Variants in ENPP6 observed in about 807,000 individuals in gnomAD.
The protein encoded by ENPP6 is ectonucleotide pyrophosphatase/phosphodiesterase 6.
In ENPP6, 32 loss-of-function variants were observed where a neutral mutation model predicts 42.0. The observed-to-expected ratio is 0.76, with a 90% CI of 0.58 to 1.02. The LOEUF (loss-of-function observed/expected upper bound fraction) is 1.02, where lower values mean the gene tolerates loss of function less well. ENPP6 is among the 50% of genes least tolerant of loss of function. The pLI is 0.00. For missense variants in ENPP6, 552 were observed against 566.8 expected (o/e 0.97, Z 0.27); for synonymous variants, 213 against 216.0 (o/e 0.99, Z 0.12).
At chr4:184,188,593 G>T (rs756436927) in intron 1 of ENPP6, among the ~76,000 whole-genome samples, 1 of 152,170 alleles carries the variant, frequency 6.6e-6, no homozygotes, top group Non-Finnish European at 1.5e-5. Context: ...GGCATCTCAC[G>T]TGAGAGGGAA....
Position 184,180,724 on chromosome 4 carries a change from A to G in ENPP6, c.242-26991T>C, listed in dbSNP as rs182815131. Reference sequence around the variant, plus strand: ...ATTCAACATACACAAATCAATAAATATAATTCATCACATAAACAGAACTAA... The same window carrying G: ...ATTCAACATACACAAATCAATAAATGTAATTCATCACATAAACAGAACTAA... On this transcript the variant is annotated intron_variant, in intron 1 of 7. Coordinates refer to ENST00000296741, the MANE Select transcript of ENPP6 (RefSeq NM_153343.4). Among the ~76,000 whole-genome samples, 379 of 152,280 alleles carry G rather than the reference A, an allele frequency of 2.5e-3. 2 individuals carry two copies. Among genetic ancestry groups the G allele is most frequent in the African/African-American group, 8.5e-3 (355 of 41,566 alleles).
chr4:184,191,352 C>T (rs1431580425), intron 1 of ENPP6, among the ~76,000 whole-genome samples: 1 of 152,214 alleles, frequency 6.6e-6, no homozygotes, highest in Non-Finnish European at 1.5e-5. Flanking sequence ...TTGAACGTAC[C>T]TAGCACTGAG....
At chr4:184,163,772 C>A (rs1737304506) in intron 1 of ENPP6, among the ~76,000 whole-genome samples, 1 of 152,330 alleles carries the variant, frequency 6.6e-6, no homozygotes, top group Middle Eastern at 3.4e-3. Flanking sequence ...GTGTTTCCGT[C>A]AGGCGACAGT....
chr4:184,097,765 G>C (rs1394576818), intron 6 of ENPP6, among the ~76,000 whole-genome samples: 1 of 152,178 alleles, frequency 6.6e-6, no homozygotes, highest in Admixed American at 6.5e-5. Flanking sequence ...CTGAGGATAA[G>C]AATGTCTTTC....
chr4:184,093,860 C>T (rs1311589755), intron 7 of ENPP6, among the ~76,000 whole-genome samples: 1 of 152,044 alleles, frequency 6.6e-6, no homozygotes, highest in Non-Finnish European at 1.5e-5. Context: ...ACTCTTCTAT[C>T]TTCTTCTCAT....
At chr4:184,098,608 A>G (rs1330478888) in intron 6 of ENPP6, among the ~76,000 whole-genome samples, 1 of 151,764 alleles carries the variant, frequency 6.6e-6, no homozygotes, top group Non-Finnish European at 1.5e-5. Flanking sequence ...ATTTCCCTCA[A>G]CCACTCTTCC....
chr4:184,109,345 T>C (rs983223946), intron 6 of ENPP6, among the ~76,000 whole-genome samples: 1 of 152,212 alleles, frequency 6.6e-6, no homozygotes, highest in African/African-American at 2.4e-5. Flanking sequence ...GAGCTATTAT[T>C]ATGCAGTAGT....
At chr4:184,123,674 A>T (rs1736456100) in intron 3 of ENPP6, among the ~76,000 whole-genome samples, 1 of 152,054 alleles carries the variant, frequency 6.6e-6, no homozygotes, top group Non-Finnish European at 1.5e-5. Context: ...TACATTTTTC[A>T]AATTGTGTGT....
At chr4:184,194,428 G>T (rs188036065) in intron 1 of ENPP6, among the ~76,000 whole-genome samples, 68 of 152,310 alleles carry the variant, frequency 4.5e-4, no homozygotes, top group African/African-American at 1.6e-3. Context: ...AAAGCCACAT[G>T]CCTTTCAGAG....
chr4:184,104,144 C>G (rs757909067), intron 6 of ENPP6, among the ~76,000 whole-genome samples: 13 of 152,144 alleles, frequency 8.5e-5, no homozygotes, highest in Non-Finnish European at 1.8e-4. Flanking sequence ...CACCCCACAT[C>G]TGACTTTCTG....
At chr4:184,210,556 A>C (rs1331033841) in intron 1 of ENPP6, among the ~76,000 whole-genome samples, 1 of 145,814 alleles carries the variant, frequency 6.9e-6, no homozygotes, top group Non-Finnish European at 1.5e-5. Flanking sequence ...ATATATATGC[A>C]CCCACTACAG....
intron 1 of ENPP6, among the ~76,000 whole-genome samples, chr4:184,172,495 T>C (rs918652867): frequency 6.6e-6 from 1 of 152,048 alleles, no homozygotes; most frequent in Admixed American, 6.5e-5. Flanking sequence ...GCCCCTCCCA[T>C]GCGGTCTGAA....
chr4:184,157,540 C>T (rs1737185085), intron 1 of ENPP6, among the ~76,000 whole-genome samples: 1 of 138,636 alleles, frequency 7.2e-6, no homozygotes, highest in Non-Finnish European at 1.5e-5. Flanking sequence ...TCTCTCTCTC[C>T]TTTCTTTCCT....
intron 1 of ENPP6, among the ~76,000 whole-genome samples, chr4:184,203,232 T>C (rs1417095714): frequency 2.0e-5 from 3 of 152,082 alleles, no homozygotes; most frequent in Non-Finnish European, 4.4e-5. Flanking sequence ...GCCTGGATGA[T>C]AGGACGAGAC....
intron 6 of ENPP6, among the ~76,000 whole-genome samples, chr4:184,108,483 C>T (rs1390036595): frequency 3.9e-5 from 6 of 152,162 alleles, no homozygotes; most frequent in African/African-American, 1.4e-4. Flanking sequence ...GTTTTTAATT[C>T]TCTGCTGTCA....
intron 2 of ENPP6, among the ~76,000 whole-genome samples, chr4:184,127,969 T>C (rs564743041): frequency 6.6e-6 from 1 of 152,206 alleles, no homozygotes; most frequent in South Asian, 2.1e-4. Context: ...GGATAGTCAA[T>C]ATATAATGTT....
chr4:184,196,560 C>A (rs2111111641), intron 1 of ENPP6, among the ~76,000 whole-genome samples: 1 of 152,284 alleles, frequency 6.6e-6, no homozygotes, highest in African/African-American at 2.4e-5. Context: ...GATCTCAAGG[C>A]ACCATCCATC....
In ENPP6 at chr4:184,091,436, G is replaced by C. The variant is rs1351829862; in HGVS notation, c.1118-54C>G. ...GTCATGGCAGCTCCAGGGCAGAGGT[G>C]GGCTGAACGCAATAAAGAAGAATTA... On this transcript the variant is annotated intron_variant, in intron 7 of 7. Coordinates refer to ENST00000296741, the MANE Select transcript of ENPP6 (RefSeq NM_153343.4). 5 of 1,497,002 alleles carry C rather than the reference G, an allele frequency of 3.3e-6. No individual in the cohort carries two copies. In the Admixed American group the frequency reaches 9.9e-5, roughly 30 times the overall value. 92.7% of individuals were successfully genotyped at this position (1,497,002 alleles called of 1,614,324 possible).
intron 2 of ENPP6, among the ~76,000 whole-genome samples, chr4:184,127,033 G>A (rs4395547): frequency 0.68 from 102,993 of 152,094 alleles, 35,168 homozygotes; most frequent in African/African-American, 0.73. Context: ...ATCCATAGAC[G>A]GCACAATTGT....
Sources: gnomAD v4.1 joint callset for allele counts (sites outside exome capture counted in the v4.1 genomes callset) on GRCh38, gnomAD v4.1.1 for gene constraint, MANE v1.5 for transcripts, NCBI Gene and HGNC (gene_info 2026-07-23, HGNC 2026-07-21) for gene names.